The following TUFT1 variants were observed in gnomAD, a reference collection of about 807,000 sequenced individuals.
The protein encoded by TUFT1 is tuftelin.
A neutral mutation model predicts 57.8 loss-of-function variants in TUFT1; 43 were observed. The ratio of observed to expected loss-of-function variants is 0.74; its 90% CI spans 0.58 to 0.96. The LOEUF (loss-of-function observed/expected upper bound fraction) is 0.96. Among genes scored for constraint, TUFT1 ranks in the 40% least tolerant of loss-of-function variants. TUFT1 has a pLI of 0.00. For missense variants in TUFT1, 459 were observed against 489.0 expected (o/e 0.94, Z 0.58); for synonymous variants, 166 against 176.7 (o/e 0.94, Z 0.48).
Position 151,569,674 on chromosome 1 carries a change from T to C in TUFT1, c.498T>C (p.Asn166=), listed in dbSNP as rs1265727271. 6.2e-7 allele frequency: 1 copy of C among 1,613,780 alleles called. No homozygotes were observed. The highest frequency in any genetic ancestry group is 2.2e-5 in the East Asian group (1 of 44,864). ...GGCTGTAGGTGGACACCTGTATAAA[T>C]GAGGATGTTGAGAGCTTGAGGAAGA... ...SSPPEVDTCI[N]EDVESLRKTV... is the part of the protein sequence containing the mutation. Residue 166 remains asparagine, a synonymous_variant, in exon 7 of 13, where the codon AAT becomes AAC. Transcript: ENST00000368849.
At chr1:151,561,332 A>G (rs1261063411) in intron 1 of TUFT1, among the ~76,000 whole-genome samples, 3 of 152,036 alleles carry the variant, frequency 2.0e-5, no homozygotes, top group African/African-American at 7.2e-5. Context: ...CCCGGGCAAC[A>G]TGGCAAAACC....
In TUFT1 at chr1:151,567,004, G is replaced by A. The variant is rs113223616; in HGVS notation, c.480+776G>A. Reference sequence around the variant, plus strand: ...GGCAATCATGGCTCACTGCAGCCTCGACCCCCGGGGTTCAAGCAATCCTCC... The same window carrying A: ...GGCAATCATGGCTCACTGCAGCCTCAACCCCCGGGGTTCAAGCAATCCTCC... On this transcript the variant is annotated intron_variant, in intron 6 of 12. Transcript: ENST00000368849. Among the ~76,000 whole-genome samples the A allele has an allele frequency of 8.1e-3, 1,223 of 150,680 alleles. 26 individuals carry two copies. Among genetic ancestry groups the A allele is most frequent in the African/African-American group, 0.028 (1,134 of 41,018 alleles).
intron 6 of TUFT1, among the ~76,000 whole-genome samples, chr1:151,568,986 G>A (rs1666164512): frequency 6.6e-6 from 1 of 152,198 alleles, no homozygotes; most frequent in Non-Finnish European, 1.5e-5. Context: ...TCTGGTGCCT[G>A]TGCAGCAGAG....
In TUFT1 at chr1:151,540,361, G is replaced by A; in HGVS notation, c.-6G>A. The A allele has an allele frequency of 6.2e-7, 1 of 1,614,188 alleles. No homozygotes were observed. The highest frequency in any genetic ancestry group is 8.5e-7 in the Non-Finnish European group (1 of 1,180,004). ...AGTGGCGTGTGTGCTGCGACCCCGA[G>A]GGAAGATGAACGGGACGCGGAACTG... is the stretch of plus-strand genomic sequence containing the variant. On this transcript the variant is annotated 5_prime_UTR_variant, in exon 1 of 13. Transcript: ENST00000368849.
chr1:151,574,416 C>T lies in TUFT1; in HGVS notation c.723+18C>T. 1.2e-6 allele frequency: 2 copies of T among 1,613,400 alleles called. No homozygotes were observed. Among genetic ancestry groups the T allele is most frequent in the Non-Finnish European group, 1.7e-6 (2 of 1,179,700 alleles). On this transcript the variant is annotated intron_variant, in intron 8 of 12. Coordinates refer to ENST00000368849, the MANE Select transcript of TUFT1 (RefSeq NM_020127.3). ...TGGAGACGGTAACCGGGGGATCTTG[C>T]TTGTCAGTGCCTGGACTCCTGGGCT...
intron 1 of TUFT1, among the ~76,000 whole-genome samples, chr1:151,557,193 A>G (rs1665729358): frequency 6.6e-6 from 1 of 152,176 alleles, no homozygotes; most frequent in East Asian, 1.9e-4. Flanking sequence ...AGGTTATCAC[A>G]GTCTCCTGGT....
intron 1 of TUFT1, among the ~76,000 whole-genome samples, chr1:151,560,956 TTGTGTGTGTGTGTGTGTGTG>T (rs68056033): frequency 1.7e-4 from 23 of 132,538 alleles, no homozygotes; most frequent in East Asian, 6.7e-4. Flanking sequence ...CTGCAAAGTA[TTGTGTGTGTGTGTGTGTGTG>T]TGTGTGTGTG....
Position 151,582,378 on chromosome 1 carries a change from A to G in TUFT1, c.*671A>G. The G allele has an allele frequency of 2.7e-6, 1 of 363,738 alleles. No homozygotes were observed. The highest frequency in any genetic ancestry group is 5.4e-6 in the Non-Finnish European group (1 of 184,372). The allele number at this position is 363,738 out of a possible 1,614,324, so 22.5% of individuals were successfully genotyped here. ...AAATTCTCTAGGGCTACAGACAGTC[A>G]TGTGTGACTTCTCTCTGCTGTGAAA... is the stretch of plus-strand genomic sequence containing the variant. On this transcript the variant is annotated 3_prime_UTR_variant, in exon 13 of 13. Transcript: ENST00000368849.
chr1:151,545,399 T>TA (rs767302958), intron 1 of TUFT1, among the ~76,000 whole-genome samples: 1 of 152,198 alleles, frequency 6.6e-6, no homozygotes, highest in Non-Finnish European at 1.5e-5. Flanking sequence ...CAAGCTCACT[T>TA]AGGCAAATTA....
At chr1:151,581,321 A>C (rs1043645715) in intron 12 of TUFT1, among the ~76,000 whole-genome samples, 2 of 152,190 alleles carry the variant, frequency 1.3e-5, no homozygotes, top group Admixed American at 6.5e-5. Context: ...ATTTCTAGGG[A>C]GAGGGTATTT....
chr1:151,564,907 A>G (rs542213298), intron 5 of TUFT1: 9 of 227,108 alleles, frequency 4.0e-5, no homozygotes, highest in Admixed American at 1.6e-4. Context: ...CAAACCTCTT[A>G]TCTATAAGGA....
rs374922622 is a variant in TUFT1, at chr1:151,569,701, G to A, written c.525G>A (p.Thr175=). 73 of 1,613,920 alleles carry A rather than the reference G, an allele frequency of 4.5e-5. No individual in the cohort carries two copies. The highest frequency in any genetic ancestry group is 8.0e-5 in the African/African-American group (6 of 74,936). The stretch of plus-strand genomic sequence containing the variant: ...AGGATGTTGAGAGCTTGAGGAAGAC[G>A]GTGCAGGACTTGCTGGCCAAGCTTC... ...INEDVESLRK[T]VQDLLAKLQE... is the part of the protein sequence containing the mutation. The change falls in exon 7 of 13, where the codon ACG becomes ACA. Residue 175 remains threonine, a synonymous_variant. Transcript: ENST00000368849.
intron 1 of TUFT1, among the ~76,000 whole-genome samples, chr1:151,558,104 A>G (rs1331586900): frequency 2.6e-5 from 4 of 151,790 alleles, no homozygotes; most frequent in African/African-American, 9.7e-5. Flanking sequence ...TTTAAAAAAT[A>G]ATTTCCTTTC....
chr1:151,548,444 A>G (rs6587598), intron 1 of TUFT1, among the ~76,000 whole-genome samples: 146,121 of 152,070 alleles, frequency 0.96, 70,475 homozygotes, highest in East Asian at 1. Flanking sequence ...CTGGAGCTAC[A>G]GGCGTGCGCC....
intron 1 of TUFT1, among the ~76,000 whole-genome samples, chr1:151,549,200 C>T (rs1367742325): frequency 6.6e-6 from 1 of 152,166 alleles, no homozygotes; most frequent in Non-Finnish European, 1.5e-5. Context: ...TTAGAGTACC[C>T]AGTAGAGACC....
At chr1:151,567,677 C>A (rs894913300) in intron 6 of TUFT1, among the ~76,000 whole-genome samples, 1 of 152,154 alleles carries the variant, frequency 6.6e-6, no homozygotes, top group African/African-American at 2.4e-5. Flanking sequence ...TACTGAGTAG[C>A]TGGGACTACT....
chr1:151,580,247 C>G (rs1434678872), intron 11 of TUFT1, among the ~76,000 whole-genome samples: 8 of 152,166 alleles, frequency 5.3e-5, no homozygotes, highest in Non-Finnish European at 1.0e-4. Flanking sequence ...AAAGGGTTAT[C>G]TTTAGAGAGT....
At chr1:151,567,915 T>C (rs778284022) in intron 6 of TUFT1, among the ~76,000 whole-genome samples, 6 of 152,210 alleles carry the variant, frequency 3.9e-5, no homozygotes, top group African/African-American at 9.7e-5. Context: ...AACATTCATA[T>C]TGTAGAAAAT....
chr1:151,544,799 A>G (rs1665280712), intron 1 of TUFT1, among the ~76,000 whole-genome samples: 1 of 152,080 alleles, frequency 6.6e-6, no homozygotes, highest in Non-Finnish European at 1.5e-5. Flanking sequence ...CTACTCTTTG[A>G]GCTGTTTTGT....
Sources: gnomAD v4.1 joint callset for allele counts (sites outside exome capture counted in the v4.1 genomes callset) on GRCh38, gnomAD v4.1.1 for gene constraint, MANE v1.5 for transcripts, NCBI Gene and HGNC (gene_info 2026-07-23, HGNC 2026-07-21) for gene names.